Variants in SIRT4 observed in about 807,000 individuals in gnomAD.
SIRT4 encodes NAD-dependent protein lipoamidase sirtuin-4, mitochondrial.
A neutral mutation model predicts 26.1 loss-of-function variants in SIRT4; 23 were observed. The ratio of observed to expected loss-of-function variants is 0.88; its 90% CI spans 0.63 to 1.25. SIRT4 has a LOEUF of 1.25. Among genes scored for constraint, SIRT4 ranks in the 50% most tolerant of loss-of-function variants. The pLI is 0.00. For missense variants in SIRT4, 361 were observed against 405.4 expected (o/e 0.89, Z 0.94); for synonymous variants, 155 against 158.4 (o/e 0.98, Z 0.16).
upstream of SIRT4, among the ~76,000 whole-genome samples, chr12:120,301,164 G>A (rs1033527827): frequency 6.6e-6 from 1 of 152,120 alleles, no homozygotes; most frequent in African/African-American, 2.4e-5. Context: ...GGCTAACATG[G>A]TGAAACCTTG....
At chr12:120,294,342 T>C in the SIRT4 span, among the ~76,000 whole-genome samples, 5 of 152,070 alleles carry the variant, frequency 3.3e-5, no homozygotes, top group South Asian at 2.1e-4. Flanking sequence ...TTGCTTTTGT[T>C]GCCCAGGCTG....
chr12:120,312,751 G>GT lies in SIRT4; in HGVS notation c.792+2dup. The stretch of plus-strand genomic sequence containing the variant: ...CTTGGTGGTGGGATCATCCTTGCAG[G>GT]TATCTGACTTGGCAAGAGTGGTAAC... On this transcript the variant is annotated splice_donor_variant, in intron 3 of 3. Transcript: ENST00000202967. LOFTEE classifies it high-confidence loss of function. 6.2e-7 allele frequency: 1 copy of GT among 1,611,454 alleles called. No individual in the cohort carries two copies. Among genetic ancestry groups the GT allele is most frequent in the Non-Finnish European group, 8.5e-7 (1 of 1,178,488 alleles).
At chr12:120,294,037 CTTG>C in the SIRT4 span, among the ~76,000 whole-genome samples, 1 of 33,828 alleles carries the variant, frequency 3.0e-5, no homozygotes. Flanking sequence ...AGTTTTTGCT[CTTG>C]TTGCCCAGGC....
the SIRT4 span, chr12:120,293,025 T>A: frequency 5.9e-4 from 89 of 150,604 alleles, 1 homozygote; most frequent in South Asian, 2.1e-4. Flanking sequence ...CAAGTACTCT[T>A]CAACCTCCCA....
At chr12:120,295,225 T>A in the SIRT4 span, among the ~76,000 whole-genome samples, 1 of 149,850 alleles carries the variant, frequency 6.7e-6, no homozygotes, top group Admixed American at 6.7e-5. Context: ...TCCTTTTTTT[T>A]TTTTTTGAGA....
chr12:120,300,689 C>T (rs55798575), upstream of SIRT4, among the ~76,000 whole-genome samples: 2,720 of 152,252 alleles, frequency 0.018, 34 homozygotes, highest in Non-Finnish European at 0.026. Context: ...CTCAAGTGAT[C>T]CTCCTGCCTT....
At chr12:120,300,156 G>A (rs1428668935), upstream of SIRT4, among the ~76,000 whole-genome samples, 3 of 152,048 alleles carry the variant, frequency 2.0e-5, no homozygotes, top group Non-Finnish European at 4.4e-5. Flanking sequence ...GCTGGGCGTG[G>A]TGGTGGATGC....
chr12:120,308,658 A>G (rs553897237), intron 2 of SIRT4, among the ~76,000 whole-genome samples: 2 of 152,308 alleles, frequency 1.3e-5, no homozygotes, highest in South Asian at 4.1e-4. Flanking sequence ...GGCCCAAATC[A>G]TGGTTACATT....
the SIRT4 span, among the ~76,000 whole-genome samples, chr12:120,292,161 T>C: frequency 1.3e-5 from 2 of 152,174 alleles, no homozygotes; most frequent in African/African-American, 4.8e-5. Flanking sequence ...ATGACTCGGT[T>C]GAGACTTGAA....
intron 2 of SIRT4, among the ~76,000 whole-genome samples, chr12:120,306,887 T>C (rs1470480099): frequency 1.3e-5 from 2 of 152,158 alleles, no homozygotes; most frequent in Non-Finnish European, 2.9e-5. Flanking sequence ...ACCAATAGCA[T>C]GTGCTATAAA....
upstream of SIRT4, among the ~76,000 whole-genome samples, chr12:120,298,033 G>GA (rs903851362): frequency 2.7e-5 from 4 of 148,926 alleles, no homozygotes; most frequent in East Asian, 2.0e-4. Flanking sequence ...CTGCAGCCTT[G>GA]AAAAAAAAAG....
At chr12:120,293,020 A>G in the SIRT4 span, 1 of 150,694 alleles carries the variant, frequency 6.6e-6, no homozygotes, top group Admixed American at 6.6e-5. Flanking sequence ...GCGAACAAGT[A>G]CTCTTCAACC....
chr12:120,299,529 G>A (rs1279988904), upstream of SIRT4, among the ~76,000 whole-genome samples: 10 of 149,416 alleles, frequency 6.7e-5, no homozygotes, highest in Non-Finnish European at 1.5e-4. Context: ...TCCAGCCTGG[G>A]CAACAGAGCT....
chr12:120,311,133 C>A (rs1592902097), intron 2 of SIRT4, among the ~76,000 whole-genome samples: 1 of 146,806 alleles, frequency 6.8e-6, no homozygotes, highest in East Asian at 2.1e-4. Context: ...CCAAGGCGGG[C>A]AGACCACCTG....
chr12:120,311,159 G>T (rs1872953553), intron 2 of SIRT4, among the ~76,000 whole-genome samples: 1 of 149,508 alleles, frequency 6.7e-6, no homozygotes, highest in Non-Finnish European at 1.5e-5. Flanking sequence ...AAGAGTTCGA[G>T]ACCAGCCTCA....
the SIRT4 span, chr12:120,291,820 G>T: frequency 6.6e-6 from 1 of 152,118 alleles, no homozygotes; most frequent in Non-Finnish European, 1.5e-5. Context: ...TCGTCATGGC[G>T]GGGTATTGGG....
the SIRT4 span, chr12:120,293,058 CAA>C: frequency 1.4e-5 from 2 of 138,172 alleles, no homozygotes; most frequent in African/African-American, 5.3e-5. Context: ...CCCACACACA[CAA>C]AAAAAGCCTC....
the SIRT4 span, among the ~76,000 whole-genome samples, chr12:120,292,154 ACT>A: frequency 6.6e-6 from 1 of 152,124 alleles, no homozygotes; most frequent in Non-Finnish European, 1.5e-5. Context: ...CACAGAGATG[ACT>A]CGGTTGAGAC....
the SIRT4 span, among the ~76,000 whole-genome samples, chr12:120,295,566 T>C: frequency 6.6e-6 from 1 of 151,336 alleles, no homozygotes; most frequent in African/African-American, 2.4e-5. Context: ...CTGGCCCCTG[T>C]TTTCTATTCT....
Sources: allele counts gnomAD v4.1 joint callset (sites outside exome capture counted in the v4.1 genomes callset), GRCh38; gene constraint gnomAD v4.1.1; transcripts MANE v1.5; gene names NCBI Gene and HGNC (gene_info 2026-07-23, HGNC 2026-07-21).